The following LRRIQ1 variants were observed in gnomAD, a reference collection of about 807,000 sequenced individuals.
LRRIQ1 encodes the protein leucine rich repeats and IQ motif containing 1, also known as leucine-rich repeat- and IQ domain-containing protein 1.
In LRRIQ1, 210 loss-of-function variants were observed where a neutral mutation model predicts 211.9. The ratio of observed to expected loss-of-function variants is 0.99; its 90% CI spans 0.89 to 1.11. The LOEUF is 1.11. LRRIQ1 is among the 50% of genes most tolerant of loss of function. LRRIQ1 has a pLI of 0.00. For missense variants in LRRIQ1, 2,136 were observed against 1,939.5 expected (o/e 1.10, Z -1.90); for synonymous variants, 699 against 650.1 (o/e 1.08, Z -1.14).
chr12:85,050,320 T>C (rs915913526), intron 6 of LRRIQ1, among the ~76,000 whole-genome samples: 9 of 152,224 alleles, frequency 5.9e-5, no homozygotes, highest in African/African-American at 1.9e-4. Flanking sequence ...TTCCCTAATG[T>C]GTCCTTTATT....
In LRRIQ1 at chr12:85,177,035, AC is replaced by A. The variant is rs377140728; in HGVS notation, c.4822+16322del. Among the ~76,000 whole-genome samples, 8 of 152,248 alleles carry A rather than the reference AC, an allele frequency of 5.3e-5. No individual in the cohort carries two copies. The East Asian group carries it at 5.8e-4, about 11-fold the overall frequency. ...AAACCTACGTGATTTTGGTTAAGTT[AC>A]TAAACCTTCCTGTACTTGATTTTCC... On this transcript the variant is annotated intron_variant, in intron 24 of 26. Transcript: ENST00000393217.
chr12:85,063,740 A>G (rs1342104151), intron 8 of LRRIQ1, among the ~76,000 whole-genome samples: 1 of 151,638 alleles, frequency 6.6e-6, no homozygotes, highest in Non-Finnish European at 1.5e-5. Context: ...TTCTAATCCT[A>G]TGAGTTCAAT....
At chr12:85,058,512 G>C (rs1189910038) in intron 8 of LRRIQ1, among the ~76,000 whole-genome samples, 1 of 151,976 alleles carries the variant, frequency 6.6e-6, no homozygotes, top group Non-Finnish European at 1.5e-5. Flanking sequence ...TGCTTCAAAA[G>C]TGAAAATGAA....
At chr12:85,109,949 A>G (rs1326002352) in intron 15 of LRRIQ1, among the ~76,000 whole-genome samples, 2 of 152,208 alleles carry the variant, frequency 1.3e-5, no homozygotes, top group East Asian at 3.9e-4. Context: ...GGTGTATGCC[A>G]CCATGTCCAG....
chr12:85,056,648 G>A lies in LRRIQ1; in HGVS notation c.1855G>A (p.Glu619Lys), dbSNP rs74720621. 14,616 of 1,598,030 alleles carry A rather than the reference G, an allele frequency of 9.1e-3. 97 individuals carry two copies. Among genetic ancestry groups the A allele is most frequent in the Non-Finnish European group, 0.01 (12,250 of 1,173,504 alleles). ...ACAAAGATCACTCTCACTAACATCAGAAAATTCCAAAGATGTAAGAGAAAA... is the reference window on the plus strand; with the variant it reads ...ACAAAGATCACTCTCACTAACATCAAAAAATTCCAAAGATGTAAGAGAAAA... Reference protein sequence around the residue: ...VKQRSLSLTSENSKDVRENVI... With the variant: ...VKQRSLSLTSKNSKDVRENVI... The change falls in exon 8 of 27, where the codon GAA becomes AAA. Residue 619 changes from glutamate (E) to lysine (K), a missense_variant. Glu to Lys is a moderately conservative substitution (Grantham distance 56, BLOSUM62 1). Coordinates refer to ENST00000393217, the MANE Select transcript of LRRIQ1 (RefSeq NM_001079910.2).
At position 85,111,023 on chromosome 12, in the gene LRRIQ1, A is replaced by G. The variant is rs531318317; in HGVS notation, c.3377+4408A>G. Among the ~76,000 whole-genome samples, 33 of 152,190 alleles carry G rather than the reference A, an allele frequency of 2.2e-4. No individual in the cohort carries two copies. In the South Asian group the frequency reaches 6.8e-3, roughly 32 times the overall value. ...TTATGATTTGAATAGTACTTATCTCATAGGGTAATATAGGTTAGGCTTCAT... is the reference window on the plus strand; with the variant it reads ...TTATGATTTGAATAGTACTTATCTCGTAGGGTAATATAGGTTAGGCTTCAT... On this transcript the variant is annotated intron_variant, in intron 15 of 26. Transcript: ENST00000393217.
chr12:85,064,229 G>A (rs1478885437), intron 8 of LRRIQ1, among the ~76,000 whole-genome samples: 2 of 151,804 alleles, frequency 1.3e-5, no homozygotes, highest in Non-Finnish European at 2.9e-5. Context: ...ACTGGGGTGA[G>A]TTGATATCTC....
At chr12:85,066,696 T>C in intron 9 of LRRIQ1, 52 bp from the exon 10 acceptor site, 1 of 1,418,970 alleles carries the variant, frequency 7.0e-7, no homozygotes, top group Non-Finnish European at 9.6e-7. Flanking sequence ...CTTTAAATAG[T>C]TCATTAATAA....
intron 11 of LRRIQ1, among the ~76,000 whole-genome samples, chr12:85,088,372 G>C (rs139023404): frequency 2.6e-4 from 39 of 152,278 alleles, no homozygotes; most frequent in African/African-American, 8.7e-4. Flanking sequence ...TTTGAAGTCA[G>C]GTAGCATGAT....
intron 1 of LRRIQ1, among the ~76,000 whole-genome samples, chr12:85,250,897 A>ATAGATTATATAT (rs1458616221): frequency 0.02 from 1,958 of 96,030 alleles, 467 homozygotes; most frequent in African/African-American, 0.07. Flanking sequence ...AATATATTTT[A>ATAGATTATATAT]TATATTATAT....
At chr12:85,092,829 C>T (rs557155735) in intron 11 of LRRIQ1, among the ~76,000 whole-genome samples, 2 of 152,308 alleles carry the variant, frequency 1.3e-5, no homozygotes, top group East Asian at 3.9e-4. Context: ...AGACTAACCA[C>T]ATCGCTAAAG....
chr12:85,185,949 A>G (rs1458812958), intron 24 of LRRIQ1, among the ~76,000 whole-genome samples: 4 of 151,988 alleles, frequency 2.6e-5, no homozygotes, highest in Non-Finnish European at 5.9e-5. Context: ...ATAAAATTTG[A>G]AATTGTTTAA....
In LRRIQ1 at chr12:85,072,276, C is replaced by T. The variant is rs146899259; in HGVS notation, c.2696-631C>T. Among the ~76,000 whole-genome samples the T allele has an allele frequency of 4.0e-3, 608 of 151,752 alleles. 2 individuals carry two copies. Among genetic ancestry groups the T allele is most frequent in the African/African-American group, 0.014 (578 of 41,412 alleles). ...CTTTTCAGTTTTATTGCTTTATAGC[C>T]AGAGAATAATTTTTATGCTATTTCT... On this transcript the variant is annotated intron_variant, in intron 10 of 26. Transcript: ENST00000393217.
In LRRIQ1 at chr12:85,126,676, G is replaced by T. The variant is rs114474560; in HGVS notation, c.4008-1156G>T. 4.0e-3 allele frequency among the ~76,000 whole-genome samples: 616 copies of T among 152,112 alleles called. 2 individuals are homozygous for T. The highest frequency in any genetic ancestry group is 0.014 in the African/African-American group (586 of 41,528). Reference sequence around the variant, plus strand: ...AGCCTTTAACTTCAATATTCTATTCGTAGTAAAACAGATTGGAGCCTTCTA... The same window carrying T: ...AGCCTTTAACTTCAATATTCTATTCTTAGTAAAACAGATTGGAGCCTTCTA... On this transcript the variant is annotated intron_variant, in intron 17 of 26. Transcript: ENST00000393217.
intron 19 of LRRIQ1, among the ~76,000 whole-genome samples, chr12:85,139,714 A>G (rs746994633): frequency 2.9e-4 from 44 of 151,426 alleles, no homozygotes; most frequent in Non-Finnish European, 4.7e-4. Context: ...ACAGAACACT[A>G]TTGCTCACGT....
intron 24 of LRRIQ1, among the ~76,000 whole-genome samples, chr12:85,174,856 A>G (rs2136837688): frequency 6.6e-6 from 1 of 152,226 alleles, no homozygotes; most frequent in African/African-American, 2.4e-5. Context: ...ATGTTAGGAA[A>G]ATGAATGAAA....
At chr12:85,076,323 A>C (rs1461063929) in intron 11 of LRRIQ1, among the ~76,000 whole-genome samples, 2 of 151,902 alleles carry the variant, frequency 1.3e-5, no homozygotes, top group Non-Finnish European at 2.9e-5. Context: ...TCTTTTATTA[A>C]ATATTGAATA....
chr12:85,145,709 A>G (rs1194482440), intron 19 of LRRIQ1, among the ~76,000 whole-genome samples: 1 of 151,694 alleles, frequency 6.6e-6, no homozygotes, highest in African/African-American at 2.4e-5. Context: ...GCTGTTAGCA[A>G]CCCTGCCCAT....
At chr12:85,096,033 T>G (rs2136259333) in intron 11 of LRRIQ1, among the ~76,000 whole-genome samples, 1 of 152,276 alleles carries the variant, frequency 6.6e-6, no homozygotes, top group African/African-American at 2.4e-5. Context: ...CTCAAGACAC[T>G]TATTTGGATC....
Sources: gnomAD v4.1 joint callset for allele counts (sites outside exome capture counted in the v4.1 genomes callset) on GRCh38, gnomAD v4.1.1 for gene constraint, MANE v1.5 for transcripts, NCBI Gene and HGNC (gene_info 2026-07-23, HGNC 2026-07-21) for gene names.